LOC101059915: variants seen among roughly 807,000 people sequenced by gnomAD.
At chrX:71,670,334 G>A in the LOC101059915 span, 1 of 1,165,730 alleles carries the variant, frequency 8.6e-7, no homozygotes, top group Non-Finnish European at 1.1e-6. Context: ...GCTGTCCTCG[G>A]GTAATGCTTT....
chrX:71,667,851 A>G, the LOC101059915 span: 1 of 1,091,341 alleles, frequency 9.2e-7, no homozygotes, highest in Non-Finnish European at 1.2e-6. Flanking sequence ...GTTTAGGCCC[A>G]GAGGGTGGCG....
the LOC101059915 span, chrX:71,668,798 C>T: frequency 9.3e-6 from 10 of 1,079,911 alleles, no homozygotes; most frequent in Non-Finnish European, 1.2e-5. Flanking sequence ...CTAGAGGGTG[C>T]ACCAGAACTG....
the LOC101059915 span, chrX:71,667,876 C>T: frequency 8.1e-6 from 9 of 1,108,011 alleles, no homozygotes; most frequent in Non-Finnish European, 1.1e-5. Context: ...GGCCGGCGCC[C>T]ACACCGCCAG....
the LOC101059915 span, among the ~76,000 whole-genome samples, chrX:71,670,017 C>T: frequency 8.9e-6 from 1 of 112,561 alleles, no homozygotes; most frequent in African/African-American, 3.2e-5. Flanking sequence ...CTCCCAGGGC[C>T]TGGCTGTGGC....
chrX:71,669,594 C>A, the LOC101059915 span: 2 of 962,984 alleles, frequency 2.1e-6, no homozygotes, highest in South Asian at 1.1e-4. Context: ...TTTCTCTGTC[C>A]GTGCGTCGTG....
the LOC101059915 span, chrX:71,668,471 T>C: frequency 8.6e-7 from 1 of 1,156,151 alleles, no homozygotes; most frequent in Non-Finnish European, 1.2e-6. Context: ...ATTAGGGTGA[T>C]CATTAGCACC....
At chrX:71,669,035 C>T in the LOC101059915 span, 5 of 1,156,296 alleles carry the variant, frequency 4.3e-6, no homozygotes, top group African/African-American at 7.2e-5. Flanking sequence ...GTCCCAAGGG[C>T]CCAAGTGAGT....
At chrX:71,669,816 C>G in the LOC101059915 span, 2 of 802,846 alleles carry the variant, frequency 2.5e-6, no homozygotes, top group Non-Finnish European at 3.2e-6. Context: ...CCAGGCTTCC[C>G]TGCCCACCCA....
At chrX:71,668,103 C>T in the LOC101059915 span, 11 of 1,140,901 alleles carry the variant, frequency 9.6e-6, no homozygotes, top group African/African-American at 2.0e-4. Context: ...GTGGTGGGGA[C>T]TACTCTTTCT....
At chrX:71,671,345 G>C in the LOC101059915 span, 1 of 906,397 alleles carries the variant, frequency 1.1e-6, no homozygotes, top group Non-Finnish European at 1.5e-6. Context: ...GAGCTGCTCT[G>C]TTTCACAGGT....
At chrX:71,668,867 C>T in the LOC101059915 span, 10 of 1,100,387 alleles carry the variant, frequency 9.1e-6, no homozygotes, top group Non-Finnish European at 1.2e-5. Flanking sequence ...CCACCTGATC[C>T]GGCTAGCTTC....
chrX:71,669,024 G>A, the LOC101059915 span: 44 of 1,159,573 alleles, frequency 3.8e-5, no homozygotes, highest in Non-Finnish European at 4.6e-5. Context: ...ATAGAGATGA[G>A]GTCCCAAGGG....
the LOC101059915 span, chrX:71,667,660 C>A: frequency 1.8e-6 from 1 of 567,582 alleles, no homozygotes; most frequent in Non-Finnish European, 2.4e-6. Context: ...AGAGCACCAC[C>A]CTTCCCTGCT....
At chrX:71,670,860 G>A in the LOC101059915 span, 158 of 752,322 alleles carry the variant, frequency 2.1e-4, no homozygotes, top group African/African-American at 8.6e-4. Flanking sequence ...TCTGAACTCC[G>A]TGTACACTTT....
At chrX:71,668,556 C>T in the LOC101059915 span, 1 of 1,122,991 alleles carries the variant, frequency 8.9e-7, no homozygotes, top group East Asian at 3.3e-5. Context: ...GTTTCCACCG[C>T]AGGGAGAGTT....
At chrX:71,671,219 T>C in the LOC101059915 span, 26 of 1,165,636 alleles carry the variant, frequency 2.2e-5, no homozygotes, top group South Asian at 3.8e-5. Context: ...GCCATGCAGT[T>C]CCTCACTGAC....
chrX:71,668,598 TCC>T, the LOC101059915 span: 2 of 1,089,792 alleles, frequency 1.8e-6, no homozygotes, highest in Non-Finnish European at 2.4e-6. Context: ...TCCTGATCTC[TCC>T]TCCCCGCAGA....
chrX:71,667,645 GC>G, the LOC101059915 span: 1 of 452,915 alleles, frequency 2.2e-6, no homozygotes. Flanking sequence ...TGTTCCTGTG[GC>G]CCCAGAGCAC....
the LOC101059915 span, among the ~76,000 whole-genome samples, chrX:71,669,212 T>C: frequency 7.2e-5 from 8 of 111,824 alleles, no homozygotes; most frequent in African/African-American, 1.6e-4. Flanking sequence ...GGATGCCCGA[T>C]TGGGGTCCTC....
Sources: allele counts gnomAD v4.1 joint callset (sites outside exome capture counted in the v4.1 genomes callset), GRCh38; gene constraint gnomAD v4.1.1; transcripts MANE v1.5.